Variants in RNF126 observed in about 807,000 individuals in gnomAD.
RNF126 encodes ring finger protein 126, also known as E3 ubiquitin-protein ligase RNF126.
RNF126 carries 20 observed loss-of-function variants against 41.9 expected under a neutral mutation model. That is an observed-to-expected ratio of 0.48 (90% CI 0.34 to 0.69). The LOEUF (loss-of-function observed/expected upper bound fraction) is 0.69, where lower values mean the gene tolerates loss of function less well. Among genes scored for constraint, RNF126 ranks in the 30% least tolerant of loss-of-function variants. RNF126 has a pLI of 0.01. For missense variants in RNF126, 433 were observed against 460.6 expected (o/e 0.94, Z 0.55); for synonymous variants, 239 against 202.9 (o/e 1.18, Z -1.51).
At chr19:649,612 G>A in intron 6 of RNF126, 67 bp downstream of exon 6, 1 of 1,321,958 alleles carries the variant, frequency 7.6e-7, no homozygotes, top group Non-Finnish European at 1.1e-6. Flanking sequence ...AGGCAGTGGG[G>A]CAGCTCCCAG....
rs748537465 is a variant in RNF126, at chr19:647,809, G to A, written c.*319C>T. 73 of 435,392 alleles carry A rather than the reference G, an allele frequency of 1.7e-4. No individual in the cohort carries two copies. The highest frequency in any genetic ancestry group is 3.1e-4 in the African/African-American group (15 of 48,162). 27.0% of individuals were successfully genotyped at this position (435,392 alleles called of 1,614,324 possible). ...GCCACAAACCATGCATGGCCGCCAC[G>A]TGAGCTCAAACGTCCGTTTATTTCA... is the stretch of plus-strand genomic sequence containing the variant. On this transcript the variant is annotated 3_prime_UTR_variant, in exon 9 of 9. Coordinates refer to ENST00000292363, the MANE Select transcript of RNF126 (RefSeq NM_194460.3).
intron 4 of RNF126, among the ~76,000 whole-genome samples, chr19:650,796 T>C (rs1172306674): frequency 6.6e-6 from 1 of 152,076 alleles, no homozygotes; most frequent in Non-Finnish European, 1.5e-5. Context: ...TTTCATCATA[T>C]TGGTCAGGCT....
rs996256345 is a variant in RNF126 at position 663,211 on chromosome 19, G to C, written c.-90C>G. ...CTCCCTCGCCGGCCGACGCGCCCGC[G>C]CACGCTCACGCACGGCACGCACGGC... On this transcript the variant is annotated 5_prime_UTR_variant, in exon 1 of 9. Transcript: ENST00000292363. The C allele has an allele frequency of 6.8e-4, 231 of 338,748 alleles. No individual in the cohort carries two copies. Among genetic ancestry groups the C allele is most frequent in the Middle Eastern group, 2.5e-3 (2 of 808 alleles). 21.0% of individuals were successfully genotyped at this position (338,748 alleles called of 1,614,324 possible). A position where few individuals can be genotyped will look rare whatever the true frequency, so the allele number is the denominator to read the frequency against.
At chr19:662,166 A>G (rs1328002540) in intron 1 of RNF126, among the ~76,000 whole-genome samples, 2 of 152,180 alleles carry the variant, frequency 1.3e-5, no homozygotes, top group African/African-American at 4.8e-5. Flanking sequence ...AAATAATATT[A>G]GAAATGCAGA....
chr19:651,948 G>A (rs769622641), intron 3 of RNF126, 93 bp from the exon 4 acceptor site: 136 of 1,190,566 alleles, frequency 1.1e-4, no homozygotes, highest in Middle Eastern at 2.2e-4. Flanking sequence ...AAAGCAAGAC[G>A]GGCCCTGCTG....
chr19:648,354 GGT>G lies in RNF126; in HGVS notation c.786+16_786+17del. ...GGGCCGCGGTCGGGGTGGGGGGGCG[GGT>G]GGGCGGGGCACTCACCTGCTCCAGC... is the stretch of plus-strand genomic sequence containing the variant. On this transcript the variant is annotated intron_variant, in intron 8 of 8. Transcript: ENST00000292363. 3 of 858,702 alleles carry G rather than the reference GGT, an allele frequency of 3.5e-6. No homozygotes were observed. Among genetic ancestry groups the G allele is most frequent in the South Asian group, 2.8e-5 (2 of 70,254 alleles). 53.2% of individuals were successfully genotyped at this position (858,702 alleles called of 1,614,324 possible).
intron 1 of RNF126, among the ~76,000 whole-genome samples, chr19:655,473 G>T (rs997984191): frequency 6.6e-6 from 1 of 151,650 alleles, no homozygotes; most frequent in Non-Finnish European, 1.5e-5. Context: ...GCGACAGAGT[G>T]ACACTCCATC....
At position 659,308 on chromosome 19, in the gene RNF126, T is replaced by C. The variant is rs2030693721; in HGVS notation, c.75+3739A>G. ...GAGACTTCCCGCCTGGCCCCATCAG[T>C]GACACTGGCCGTAGCAGCCCTCACT... On this transcript the variant is annotated intron_variant, in intron 1 of 8. Transcript: ENST00000292363. The surrounding 1 kb of genome is among the most constrained non-coding windows in gnomAD (Gnocchi z 4.9). Among the ~76,000 whole-genome samples, 1 of 152,158 alleles carries C rather than the reference T, an allele frequency of 6.6e-6. No individual in the cohort carries two copies. Among genetic ancestry groups the C allele is most frequent in the South Asian group, 2.1e-4 (1 of 4,824 alleles).
intron 6 of RNF126, chr19:649,224 G>GT: frequency 1.2e-5 from 3 of 257,676 alleles, no homozygotes; most frequent in Non-Finnish European, 2.2e-5. Context: ...GCGGAATGGG[G>GT]GGGGGGGCCG....
intron 6 of RNF126, 111 bp downstream of exon 6, chr19:649,568 A>G: frequency 1.2e-6 from 1 of 818,554 alleles, no homozygotes; most frequent in South Asian, 1.6e-5. Context: ...CTGTGCCCGC[A>G]TCCCCTTTGA....
chr19:660,802 T>A lies in RNF126; in HGVS notation c.75+2245A>T, dbSNP rs145757345. On this transcript the variant is annotated intron_variant, in intron 1 of 8. Transcript: ENST00000292363. ...GAGTGCAACAACACACCCCACTAAT[T>A]GTTTTAGTCTTCTGTAGAGACAGGG... Among the ~76,000 whole-genome samples the A allele has an allele frequency of 3.3e-5, 5 of 152,154 alleles. No homozygotes were observed. The East Asian group carries it at 9.7e-4, about 29-fold the overall frequency.
intron 6 of RNF126, 71 bp downstream of exon 6, chr19:649,608 T>G (rs1399045837): frequency 7.8e-7 from 1 of 1,277,530 alleles, no homozygotes; most frequent in Non-Finnish European, 1.1e-6. Flanking sequence ...GTCCAGGCAG[T>G]GGGGCAGCTC....
rs1375097631 is a variant in RNF126 at position 647,824 on chromosome 19, C to T, written c.*304G>A. The T allele has an allele frequency of 3.1e-5, 15 of 488,652 alleles. No homozygotes were observed. The highest frequency in any genetic ancestry group is 5.3e-5 in the Non-Finnish European group (14 of 263,580). 30.3% of individuals were successfully genotyped at this position (488,652 alleles called of 1,614,324 possible). A position where few individuals can be genotyped will look rare whatever the true frequency, so the allele number is the denominator to read the frequency against. ...TGGCCGCCACGTGAGCTCAAACGTCCGTTTATTTCAAAGCAGTAATAATTT... is the reference window on the plus strand; with the variant it reads ...TGGCCGCCACGTGAGCTCAAACGTCTGTTTATTTCAAAGCAGTAATAATTT... On this transcript the variant is annotated 3_prime_UTR_variant, in exon 9 of 9. Coordinates refer to ENST00000292363, the MANE Select transcript of RNF126 (RefSeq NM_194460.3).
chr19:658,664 C>T (rs944319651), intron 1 of RNF126, among the ~76,000 whole-genome samples: 1 of 152,198 alleles, frequency 6.6e-6, no homozygotes, highest in Non-Finnish European at 1.5e-5. Context: ...CTGGGCCCCA[C>T]GCACCACACA....
At chr19:662,937 G>A (rs1468941207) in intron 1 of RNF126, 110 bp downstream of exon 1, 5 of 414,426 alleles carry the variant, frequency 1.2e-5, no homozygotes, top group African/African-American at 4.3e-5. Context: ...TTTTCCCGTC[G>A]TGGTCAGCTC....
intron 1 of RNF126, among the ~76,000 whole-genome samples, chr19:662,082 G>C (rs537616639): frequency 1.3e-5 from 2 of 152,296 alleles, no homozygotes; most frequent in South Asian, 2.1e-4. Flanking sequence ...GTTTTGGGAG[G>C]CTGAGCCAGA....
At chr19:654,277 T>G (rs1315235480) in intron 1 of RNF126, among the ~76,000 whole-genome samples, 1 of 152,092 alleles carries the variant, frequency 6.6e-6, no homozygotes, top group African/African-American at 2.4e-5. Context: ...ATAGAAAAAG[T>G]GCGGCCCGGC....
Position 650,314 on chromosome 19 carries a change from A to C in RNF126, c.444-18T>G, listed in dbSNP as rs764728487. 2.5e-6 allele frequency: 4 copies of C among 1,569,132 alleles called. No homozygotes were observed. The East Asian group carries it at 9.2e-5, about 36-fold the overall frequency. ...GGATGATCCTGGAAAAGAGAGCGCC[A>C]GTCACGGGGTGAGGCCGCCCCACGC... On this transcript the variant is annotated intron_variant, in intron 4 of 8. Coordinates refer to ENST00000292363, the MANE Select transcript of RNF126 (RefSeq NM_194460.3).
chr19:648,308 A>C, intron 8 of RNF126, 31 bp from the exon 9 acceptor site: 2 of 1,179,982 alleles, frequency 1.7e-6, no homozygotes, highest in African/African-American at 4.6e-5. Flanking sequence ...GGACGGGAGA[A>C]GGGGCAGGTT....
Sources: allele counts gnomAD v4.1 joint callset (sites outside exome capture counted in the v4.1 genomes callset), GRCh38; gene constraint gnomAD v4.1.1; non-coding constraint Gnocchi (gnomAD v3.1); transcripts MANE v1.5; gene names NCBI Gene and HGNC (gene_info 2026-07-23, HGNC 2026-07-21).